Variants in MGRN1 observed in about 807,000 individuals in gnomAD.
MGRN1 encodes mahogunin ring finger 1.
Under a neutral mutation model 69.2 loss-of-function variants are expected in MGRN1, and 29 were observed. The ratio of observed to expected loss-of-function variants is 0.42; its 90% CI spans 0.31 to 0.57. The LOEUF (loss-of-function observed/expected upper bound fraction) is 0.57. Among genes scored for constraint, MGRN1 ranks in the 20% least tolerant of loss-of-function variants. MGRN1 has a pLI of 0.15. For synonymous variants in MGRN1, 470 were observed against 344.2 expected (o/e 1.37, Z -4.04); for missense variants, 998 against 796.2 (o/e 1.25, Z -3.05).
chr16:4,664,897 C>A, intron 6 of MGRN1, 122 bp downstream of exon 6: 1 of 1,375,684 alleles, frequency 7.3e-7, no homozygotes. Context: ...GGGCTTCCCA[C>A]AGGGCAGGGT....
chr16:4,627,603 C>A (rs12921195), intron 1 of MGRN1, among the ~76,000 whole-genome samples: 21,418 of 151,480 alleles, frequency 0.14, 1,539 homozygotes, highest in South Asian at 0.21. Flanking sequence ...CTGGCTAACA[C>A]GGGGAAACCC....
chr16:4,638,840 C>A (rs149877601), intron 1 of MGRN1, among the ~76,000 whole-genome samples: 5 of 152,214 alleles, frequency 3.3e-5, no homozygotes, highest in Non-Finnish European at 7.3e-5. Flanking sequence ...ACTCCCCCTT[C>A]CTCGGGTGGG....
rs1242446793 is a variant in MGRN1, at chr16:4,665,119, C to G, written c.646C>G (p.His216Asp). Reference sequence around the variant, plus strand: ...CCCAGCAGTGGTGGAAGTGACTGGCCACGCCCACGTGCTCTTGGCTGCCTT... The same window carrying G: ...CCCAGCAGTGGTGGAAGTGACTGGCGACGCCCACGTGCTCTTGGCTGCCTT... ...DEGDVVEVTG[H>D]AHVLLAAFEK... Residue 216 changes from histidine to aspartate, a missense_variant, in exon 7 of 17, where the codon CAC (histidine) becomes GAC (aspartate). Transcript: ENST00000262370. The G allele has an allele frequency of 6.2e-7, 1 of 1,614,224 alleles. No homozygotes were observed. Among genetic ancestry groups the G allele is most frequent in the Non-Finnish European group, 8.5e-7 (1 of 1,180,036 alleles).
intron 1 of MGRN1, 124 bp downstream of exon 1, chr16:4,625,172 C>T (rs1440071217): frequency 1.1e-6 from 1 of 916,370 alleles, no homozygotes; most frequent in Non-Finnish European, 1.5e-6. Flanking sequence ...GTTGCTACCC[C>T]GAGCCTTCGC....
intron 8 of MGRN1, 170 bp from the exon 9 acceptor site, chr16:4,671,221 G>T (rs1340381528): frequency 1.6e-6 from 1 of 629,552 alleles, no homozygotes; most frequent in Non-Finnish European, 2.8e-6. Context: ...GGTTGGGTGG[G>T]GGCAAGCAGC....
intron 8 of MGRN1, among the ~76,000 whole-genome samples, chr16:4,670,281 C>A (rs191010238): frequency 6.6e-6 from 1 of 152,004 alleles, no homozygotes; most frequent in East Asian, 1.9e-4. Flanking sequence ...CTCACTCTGT[C>A]GCCGAGGCTG....
rs1275815768 is a variant in MGRN1, at chr16:4,671,374, C to A, written c.727-17C>A. The A allele has an allele frequency of 6.2e-7, 1 of 1,613,908 alleles. No individual in the cohort carries two copies. Among genetic ancestry groups the A allele is most frequent in the Non-Finnish European group, 8.5e-7 (1 of 1,179,820 alleles). ...GGCAGTTGGCGAGGGCCCAGTGAGC[C>A]CCTCTCTGCTCTCCAGGTGGACCGG... is the stretch of plus-strand genomic sequence containing the variant. On this transcript the variant is annotated splice_polypyrimidine_tract_variant and intron_variant, in intron 8 of 16. Coordinates refer to ENST00000262370, the MANE Select transcript of MGRN1 (RefSeq NM_015246.4).
At chr16:4,687,446 T>G in intron 16 of MGRN1, 1 of 924,950 alleles carries the variant, frequency 1.1e-6, no homozygotes, top group Non-Finnish European at 1.3e-6. Flanking sequence ...TCAGGGGTGC[T>G]GAGGTGGGAG....
rs552516715 is a variant in MGRN1, at chr16:4,672,166, A to G, written c.795+707A>G. 2.0e-4 allele frequency among the ~76,000 whole-genome samples: 30 copies of G among 152,232 alleles called. No homozygotes were observed. In the South Asian group the frequency reaches 6.2e-3, roughly 32 times the overall value. On this transcript the variant is annotated intron_variant, in intron 9 of 16. Transcript: ENST00000262370. Reference sequence around the variant, plus strand: ...TGATCCACCCTCCTCGGCCTCCCAAAGTGCTGGGATTACAGGCGTGAACCA... The same window carrying G: ...TGATCCACCCTCCTCGGCCTCCCAAGGTGCTGGGATTACAGGCGTGAACCA...
chr16:4,644,766 C>A (rs2078239928), intron 1 of MGRN1, among the ~76,000 whole-genome samples: 1 of 152,174 alleles, frequency 6.6e-6, no homozygotes, highest in African/African-American at 2.4e-5. Flanking sequence ...AACTTACGTC[C>A]TTCCAGTTAA....
chr16:4,661,887 C>G (rs1479919687), intron 5 of MGRN1, among the ~76,000 whole-genome samples: 1 of 152,200 alleles, frequency 6.6e-6, no homozygotes, highest in Non-Finnish European at 1.5e-5. Flanking sequence ...GTTACGTGTG[C>G]CATTCATTCT....
In MGRN1 at chr16:4,681,795, A is replaced by C. The variant is rs376691033; in HGVS notation, c.1358+19A>C. The C allele has an allele frequency of 2.2e-4, 350 of 1,604,444 alleles. No individual in the cohort carries two copies. Among genetic ancestry groups the C allele is most frequent in the Middle Eastern group, 1.8e-4 (1 of 5,560 alleles). On this transcript the variant is annotated intron_variant, in intron 13 of 16. Transcript: ENST00000262370. ...CCGACAGGTGAGCAGCAGCCAGGCC[A>C]GGTGCATGGCAGGGTGTGTGGTGGC...
intron 14 of MGRN1, 58 bp downstream of exon 14, chr16:4,683,004 C>G: frequency 6.7e-7 from 1 of 1,494,902 alleles, no homozygotes; most frequent in South Asian, 1.3e-5. Context: ...CCTCCAGCTT[C>G]TGTCGCTGGA....
At chr16:4,633,011 A>G (rs1898087318) in intron 1 of MGRN1, among the ~76,000 whole-genome samples, 3 of 152,144 alleles carry the variant, frequency 2.0e-5, no homozygotes, top group African/African-American at 7.2e-5. Flanking sequence ...TGAGCTCAGG[A>G]GGTCGAGGCT....
intron 16 of MGRN1, among the ~76,000 whole-genome samples, chr16:4,685,911 T>TTGGCCC (rs1450479608): frequency 3.9e-5 from 6 of 152,278 alleles, no homozygotes; most frequent in East Asian, 3.9e-4. Context: ...TGTCTTGGAC[T>TTGGCCC]TGGCCCTGAG....
rs1204620738 is a variant in MGRN1, at chr16:4,629,148, G to C, written c.88+4100G>C. ...ACTGCACCTGGCCTGCTTTCTGTTC[G>C]TATGTGTGTGTGTGTGTGTGTGTGT... On this transcript the variant is annotated intron_variant, in intron 1 of 16. Coordinates refer to ENST00000262370, the MANE Select transcript of MGRN1 (RefSeq NM_015246.4). Among the ~76,000 whole-genome samples the C allele has an allele frequency of 3.4e-5, 3 of 87,198 alleles. No individual in the cohort carries two copies. In the East Asian group the frequency reaches 9.7e-4, roughly 28 times the overall value. 57.2% of individuals were successfully genotyped at this position (87,198 alleles called of 152,430 possible). A position where few individuals can be genotyped will look rare whatever the true frequency, so the allele number is the denominator to read the frequency against.
intron 7 of MGRN1, among the ~76,000 whole-genome samples, chr16:4,666,305 A>AT (rs949048769): frequency 6.6e-6 from 1 of 151,748 alleles, no homozygotes; most frequent in East Asian, 2.0e-4. Context: ...ACTTAAAAAA[A>AT]TTTTTTTGTA....
At chr16:4,631,616 C>G (rs982809793) in intron 1 of MGRN1, among the ~76,000 whole-genome samples, 5 of 152,218 alleles carry the variant, frequency 3.3e-5, no homozygotes, top group Admixed American at 6.6e-5. Flanking sequence ...CAGCAGCACA[C>G]TGGCTTGTTT....
intron 3 of MGRN1, 94 bp from the exon 4 acceptor site, chr16:4,652,584 C>T (rs995827375): frequency 1.4e-6 from 2 of 1,451,856 alleles, no homozygotes; most frequent in Non-Finnish European, 1.8e-6. Context: ...GTCCACATAG[C>T]CACCTCCACG....
Sources: gnomAD v4.1 joint callset for allele counts (sites outside exome capture counted in the v4.1 genomes callset) on GRCh38, gnomAD v4.1.1 for gene constraint, MANE v1.5 for transcripts, NCBI Gene and HGNC (gene_info 2026-07-23, HGNC 2026-07-21) for gene names.